The following RGS7 variants were observed in gnomAD, a reference collection of about 807,000 sequenced individuals.
The protein encoded by RGS7 is regulator of G-protein signaling 7.
In RGS7, 27 loss-of-function variants were observed where a neutral mutation model predicts 81.1. That is an observed-to-expected ratio of 0.33 (90% CI 0.25 to 0.46). The LOEUF (loss-of-function observed/expected upper bound fraction) is 0.46. RGS7 is among the 20% of genes least tolerant of loss of function. RGS7 has a pLI of 1.00. For missense variants in RGS7, 396 were observed against 607.4 expected (o/e 0.65, Z 3.66); for synonymous variants, 208 against 207.7 (o/e 1.00, Z -0.01).
intron 2 of RGS7, among the ~76,000 whole-genome samples, chr1:241,103,409 T>C (rs2064900271): frequency 6.6e-6 from 1 of 152,138 alleles, no homozygotes; most frequent in Non-Finnish European, 1.5e-5. Flanking sequence ...TTCTGAAGGC[T>C]ATTTTCTTTA....
intron 2 of RGS7, among the ~76,000 whole-genome samples, chr1:241,284,570 T>C (rs553055064): frequency 6.6e-6 from 1 of 152,316 alleles, no homozygotes; most frequent in African/African-American, 2.4e-5. Context: ...CTTGCTACTG[T>C]CAGGTGGAGA....
At chr1:240,898,541 C>T (rs1669466252) in intron 6 of RGS7, among the ~76,000 whole-genome samples, 2 of 152,134 alleles carry the variant, frequency 1.3e-5, no homozygotes, top group Admixed American at 1.3e-4. Context: ...TTGTTATGTA[C>T]CCAGTAGTCA....
At chr1:240,902,332 A>G (rs1258375923) in intron 6 of RGS7, among the ~76,000 whole-genome samples, 3 of 152,208 alleles carry the variant, frequency 2.0e-5, no homozygotes, top group African/African-American at 7.2e-5. Context: ...AGCTAATCTC[A>G]TGGTAATATT....
At chr1:240,969,773 C>T (rs905327016) in intron 4 of RGS7, among the ~76,000 whole-genome samples, 1 of 152,162 alleles carries the variant, frequency 6.6e-6, no homozygotes, top group Admixed American at 6.5e-5. Flanking sequence ...GGCATGATGC[C>T]GACACACCAG....
chr1:240,889,334 C>G (rs1050492780), intron 6 of RGS7, among the ~76,000 whole-genome samples: 4 of 152,112 alleles, frequency 2.6e-5, no homozygotes, highest in Non-Finnish European at 5.9e-5. Flanking sequence ...AGAGCACCAT[C>G]GGTACAGCAA....
intron 2 of RGS7, among the ~76,000 whole-genome samples, chr1:241,251,239 A>C (rs1387976155): frequency 6.6e-6 from 1 of 152,202 alleles, no homozygotes. Flanking sequence ...TTTGGTGCTA[A>C]TGAAAAAGTA....
At chr1:241,235,870 G>C (rs1289662282) in intron 2 of RGS7, among the ~76,000 whole-genome samples, 2 of 136,618 alleles carry the variant, frequency 1.5e-5, no homozygotes, top group African/African-American at 5.4e-5. Context: ...CCTAATATAG[G>C]GAGTGAGATA....
At chr1:240,884,773 T>G (rs777154412) in intron 6 of RGS7, among the ~76,000 whole-genome samples, 2 of 152,228 alleles carry the variant, frequency 1.3e-5, no homozygotes, top group Non-Finnish European at 2.9e-5. Flanking sequence ...GATTAAATAC[T>G]TAAATGTCAA....
chr1:241,030,493 TACACACAC>T (rs10649050), intron 3 of RGS7, among the ~76,000 whole-genome samples: 15 of 140,454 alleles, frequency 1.1e-4, no homozygotes, highest in African/African-American at 2.9e-4. Flanking sequence ...TATATAGATG[TACACACAC>T]ACACACACAC....
rs117753325 is a variant in RGS7, at chr1:241,306,760, C to T, written c.78+48939G>A. On this transcript the variant is annotated intron_variant, in intron 2 of 18. Transcript: ENST00000440928. The stretch of plus-strand genomic sequence containing the variant: ...ACACGTCCCCACACTCGCACACATA[C>T]GCACACACCTTTACACACACATCCT... Among the ~76,000 whole-genome samples the T allele has an allele frequency of 2.9e-3, 443 of 152,182 alleles. 4 individuals carry two copies. In the East Asian group the frequency reaches 0.054, roughly 19 times the overall value.
At chr1:241,316,843 A>C (rs1048609555) in intron 2 of RGS7, among the ~76,000 whole-genome samples, 1 of 152,162 alleles carries the variant, frequency 6.6e-6, no homozygotes, top group Non-Finnish European at 1.5e-5. Flanking sequence ...CCATTTGTTT[A>C]TCAATGATGT....
intron 2 of RGS7, among the ~76,000 whole-genome samples, chr1:241,257,333 T>G (rs912366351): frequency 1.7e-4 from 25 of 151,388 alleles, no homozygotes; most frequent in African/African-American, 6.1e-4. Context: ...AGGGCCTTCA[T>G]GATCTACTCA....
chr1:241,188,784 CT>C (rs1420340810), intron 2 of RGS7, among the ~76,000 whole-genome samples: 2 of 152,160 alleles, frequency 1.3e-5, no homozygotes, highest in African/African-American at 4.8e-5. Flanking sequence ...AATTTGTTTA[CT>C]TATTTAGGAA....
At chr1:241,261,188 CAGGCACTGGGGA>C (rs1427771813) in intron 2 of RGS7, among the ~76,000 whole-genome samples, 1 of 152,104 alleles carries the variant, frequency 6.6e-6, no homozygotes, top group Non-Finnish European at 1.5e-5. Flanking sequence ...CAGATTAGGA[CAGGCACTGGGGA>C]AGAGGGCCCT....
chr1:240,903,174 A>G (rs888903824), intron 6 of RGS7, among the ~76,000 whole-genome samples: 2 of 152,200 alleles, frequency 1.3e-5, no homozygotes, highest in Admixed American at 1.3e-4. Context: ...GCTGTCAAAA[A>G]GAAGAGGAAA....
chr1:240,867,130 G>A (rs970316181), intron 9 of RGS7, among the ~76,000 whole-genome samples: 1 of 152,198 alleles, frequency 6.6e-6, no homozygotes, highest in South Asian at 2.1e-4. Context: ...AGCAAAGCCA[G>A]TTAATTCTCA....
intron 3 of RGS7, among the ~76,000 whole-genome samples, chr1:240,997,082 G>A (rs1485741771): frequency 6.6e-6 from 1 of 151,928 alleles, no homozygotes; most frequent in Non-Finnish European, 1.5e-5. Flanking sequence ...CCTGAAGAGG[G>A]AACACAGATA....
chr1:241,229,261 T>C (rs1392359836), intron 2 of RGS7, among the ~76,000 whole-genome samples: 1 of 152,112 alleles, frequency 6.6e-6, no homozygotes, highest in Non-Finnish European at 1.5e-5. Context: ...AAAAGTCCCC[T>C]CATACTGCAG....
At chr1:241,049,113 G>A (rs1024533007) in intron 3 of RGS7, among the ~76,000 whole-genome samples, 2 of 152,158 alleles carry the variant, frequency 1.3e-5, no homozygotes, top group African/African-American at 4.8e-5. Context: ...CATCTTCAAA[G>A]ACCCTATTTC....
Sources: gnomAD v4.1 joint callset for allele counts (sites outside exome capture counted in the v4.1 genomes callset) on GRCh38, gnomAD v4.1.1 for gene constraint, MANE v1.5 for transcripts, NCBI Gene and HGNC (gene_info 2026-07-23, HGNC 2026-07-21) for gene names.